Variants in IL1RAPL1 observed in about 807,000 individuals in gnomAD.
The protein encoded by IL1RAPL1 is interleukin 1 receptor accessory protein like 1, also known as interleukin-1 receptor accessory protein-like 1.
A neutral mutation model predicts 48.4 loss-of-function variants in IL1RAPL1; 3 were observed. The observed-to-expected ratio is 0.06, with a 90% CI of 0.03 to 0.16. The LOEUF is 0.16. Among genes scored for constraint, IL1RAPL1 ranks in the 10% least tolerant of loss-of-function variants. The pLI is 1.00. For synonymous variants in IL1RAPL1, 185 were observed against 187.7 expected, an observed-to-expected ratio of 0.99 and a Z score of 0.12; for missense variants, 349 against 530.6, an observed-to-expected ratio of 0.66 and a Z score of 3.36.
chrX:29,690,933 G>T (rs1490581260), intron 6 of IL1RAPL1, among the ~76,000 whole-genome samples: 3 of 111,216 alleles, frequency 2.7e-5, no homozygotes, highest in Admixed American at 9.6e-5. Flanking sequence ...ATATATACAT[G>T]TTATTAAAAT....
intron 1 of IL1RAPL1, among the ~76,000 whole-genome samples, chrX:28,628,041 C>T (rs966095831): frequency 3.6e-5 from 4 of 111,404 alleles, no homozygotes; most frequent in Non-Finnish European, 7.5e-5. Context: ...AACTGGATCT[C>T]GCTGGAGCAT....
At chrX:29,228,653 A>G (rs775035405) in intron 2 of IL1RAPL1, among the ~76,000 whole-genome samples, 1 of 111,047 alleles carries the variant, frequency 9.0e-6, no homozygotes, top group South Asian at 3.8e-4. Context: ...GCACCTGGCC[A>G]GTTTTGCCTA....
At chrX:28,945,934 C>G (rs1336106445) in intron 2 of IL1RAPL1, among the ~76,000 whole-genome samples, 1 of 105,283 alleles carries the variant, frequency 9.5e-6, no homozygotes, top group Non-Finnish European at 1.9e-5. Context: ...TGTATACACT[C>G]AATTAACTAT....
chrX:29,434,194 A>G (rs927894746), intron 5 of IL1RAPL1, among the ~76,000 whole-genome samples: 6 of 110,282 alleles, frequency 5.4e-5, no homozygotes, highest in Non-Finnish European at 7.6e-5. Flanking sequence ...TATTCTTTTC[A>G]TACTGAAATT....
chrX:28,777,899 A>G (rs1936376536), intron 1 of IL1RAPL1, among the ~76,000 whole-genome samples: 1 of 111,653 alleles, frequency 9.0e-6, no homozygotes. Context: ...CCAACAATGA[A>G]TAATCTATCT....
At chrX:29,055,495 C>T (rs1448354912) in intron 2 of IL1RAPL1, among the ~76,000 whole-genome samples, 1 of 111,731 alleles carries the variant, frequency 9.0e-6, no homozygotes, top group Non-Finnish European at 1.9e-5. Context: ...ACTTGAAAAA[C>T]ATACTCAGTA....
chrX:28,680,716 T>C (rs1935050107), intron 1 of IL1RAPL1, among the ~76,000 whole-genome samples: 1 of 112,275 alleles, frequency 8.9e-6, no homozygotes, highest in Admixed American at 9.5e-5. Context: ...TCTATTGAGA[T>C]GATCATGTAG....
intron 3 of IL1RAPL1, among the ~76,000 whole-genome samples, chrX:29,308,384 A>G (rs1932657569): frequency 1.8e-5 from 2 of 111,629 alleles, no homozygotes; most frequent in Non-Finnish European, 3.8e-5. Flanking sequence ...CCATCCCTGA[A>G]CCAATCACGG....
intron 9 of IL1RAPL1, among the ~76,000 whole-genome samples, chrX:29,947,880 G>A (rs1306466870): frequency 2.7e-5 from 3 of 109,433 alleles, no homozygotes; most frequent in African/African-American, 1.0e-4. Flanking sequence ...GTTGTTCTGG[G>A]TATATGACTT....
intron 3 of IL1RAPL1, among the ~76,000 whole-genome samples, chrX:29,305,982 T>C (rs1932610344): frequency 1.8e-5 from 2 of 111,994 alleles, no homozygotes. Flanking sequence ...TTTGTTAAAC[T>C]AAGGATGACA....
chrX:28,772,134 A>G (rs904281582), intron 1 of IL1RAPL1, among the ~76,000 whole-genome samples: 4 of 110,422 alleles, frequency 3.6e-5, no homozygotes, highest in Non-Finnish European at 3.8e-5. Flanking sequence ...TAGATGAAAA[A>G]GAGAGGGATG....
intron 6 of IL1RAPL1, among the ~76,000 whole-genome samples, chrX:29,822,192 T>C (rs1211730852): frequency 9.0e-6 from 1 of 111,610 alleles, no homozygotes; most frequent in Non-Finnish European, 1.9e-5. Flanking sequence ...ACAAAGCCTA[T>C]ATTGTGAAGA....
In IL1RAPL1 at chrX:29,350,815, G is replaced by A. The variant is rs1256131747; in HGVS notation, c.363-45443G>A. ...TGTATTTCAATGTTTAATATTAGAA[G>A]TACGTTGGTCTTTAGAAGTTTTGTG... On this transcript the variant is annotated intron_variant, in intron 3 of 10. Coordinates refer to ENST00000378993, the MANE Select transcript of IL1RAPL1 (RefSeq NM_014271.4). 2.7e-5 allele frequency among the ~76,000 whole-genome samples: 3 copies of A among 111,556 alleles called. No individual in the cohort carries two copies. In the East Asian group the frequency reaches 8.4e-4, roughly 31 times the overall value.
chrX:29,260,440 A>G (rs7892321), intron 2 of IL1RAPL1, among the ~76,000 whole-genome samples: 7,619 of 112,081 alleles, frequency 0.068, 611 homozygotes, highest in African/African-American at 0.23. Context: ...ATGGCAGCAC[A>G]CAAAACAGCT....
intron 9 of IL1RAPL1, among the ~76,000 whole-genome samples, chrX:29,949,359 A>G (rs1387720700): frequency 8.9e-6 from 1 of 112,320 alleles, no homozygotes; most frequent in Non-Finnish European, 1.9e-5. Context: ...GGACTTGTTG[A>G]TTGACTTCAA....
chrX:28,745,609 G>A lies in IL1RAPL1; in HGVS notation c.-24-43711G>A, dbSNP rs141010597. On this transcript the variant is annotated intron_variant, in intron 1 of 10. Coordinates refer to ENST00000378993, the MANE Select transcript of IL1RAPL1 (RefSeq NM_014271.4). ...TCAATTTGGAGATCTACATTTCAGA[G>A]TTATTAGCATAAAGATGTAGTGTAG... is the stretch of plus-strand genomic sequence containing the variant. 1.7e-4 allele frequency among the ~76,000 whole-genome samples: 19 copies of A among 111,760 alleles called. No individual in the cohort carries two copies. The East Asian group carries it at 5.1e-3, about 30-fold the overall frequency.
chrX:29,898,661 A>G (rs766313161), intron 6 of IL1RAPL1, among the ~76,000 whole-genome samples: 2 of 110,477 alleles, frequency 1.8e-5, no homozygotes, highest in East Asian at 5.6e-4. Flanking sequence ...AACTACAGAT[A>G]GAATACGAAT....
In IL1RAPL1 at chrX:29,545,530, A is replaced by G. The variant is rs549126644; in HGVS notation, c.704-122900A>G. Among the ~76,000 whole-genome samples, 29 of 111,472 alleles carry G rather than the reference A, an allele frequency of 2.6e-4. No individual in the cohort carries two copies. The South Asian group carries it at 9.4e-3, about 36-fold the overall frequency. ...AGAGCCATTCCTCTTCCCCACAGTA[A>G]ATACTTGTGACTTCTTGTGTTTTAT... On this transcript the variant is annotated intron_variant, in intron 5 of 10. Transcript: ENST00000378993.
At chrX:29,898,115 TACTTCA>T (rs1315891153) in intron 6 of IL1RAPL1, among the ~76,000 whole-genome samples, 18 of 112,208 alleles carry the variant, frequency 1.6e-4, no homozygotes, top group African/African-American at 5.8e-4. Context: ...GGCTCTCTCC[TACTTCA>T]GATGAGAAAG....
Sources: gnomAD v4.1 joint callset for allele counts (sites outside exome capture counted in the v4.1 genomes callset) on GRCh38, gnomAD v4.1.1 for gene constraint, MANE v1.5 for transcripts, NCBI Gene and HGNC (gene_info 2026-07-23, HGNC 2026-07-21) for gene names.